SLC14A2: variants seen among roughly 807,000 people sequenced by gnomAD.
The protein encoded by SLC14A2 is solute carrier family 14 member 2, also known as urea transporter 2.
SLC14A2 carries 91 observed loss-of-function variants against 104.6 expected under a neutral mutation model. The observed-to-expected ratio is 0.87, with a 90% CI of 0.73 to 1.04. SLC14A2 has a LOEUF of 1.04. Among genes scored for constraint, SLC14A2 ranks in the 50% least tolerant of loss-of-function variants. The pLI, the probability that SLC14A2 is intolerant of heterozygous loss-of-function variation, is 0.00. For synonymous variants in SLC14A2, 476 were observed against 466.4 expected, an observed-to-expected ratio of 1.02 and a Z score of -0.27; for missense variants, 1,189 against 1,156.0, an observed-to-expected ratio of 1.03 and a Z score of -0.41.
At chr18:45,392,550 G>A (rs1396644013) in intron 1 of SLC14A2, among the ~76,000 whole-genome samples, 1 of 152,148 alleles carries the variant, frequency 6.6e-6, no homozygotes, top group Non-Finnish European at 1.5e-5. Flanking sequence ...TGCTTTAGAT[G>A]TTATATACCA....
chr18:45,320,844 C>G (rs1468603392), intron 1 of SLC14A2, among the ~76,000 whole-genome samples: 1 of 152,214 alleles, frequency 6.6e-6, no homozygotes, highest in Admixed American at 6.5e-5. Flanking sequence ...ACACCCACTC[C>G]TTTTCCAGAA....
At chr18:45,274,571 T>TTC (rs1400345365) in intron 1 of SLC14A2, among the ~76,000 whole-genome samples, 1 of 152,244 alleles carries the variant, frequency 6.6e-6, no homozygotes, top group Non-Finnish European at 1.5e-5. Context: ...GTTCTTTGAG[T>TTC]TACTCACAGG....
At chr18:45,508,529 C>G (rs548610932) in intron 2 of SLC14A2, among the ~76,000 whole-genome samples, 2 of 152,226 alleles carry the variant, frequency 1.3e-5, no homozygotes. Flanking sequence ...GGAACTGTAA[C>G]TCCATTAAAC....
intron 1 of SLC14A2, among the ~76,000 whole-genome samples, chr18:45,244,340 G>C (rs1002772281): frequency 6.6e-6 from 1 of 152,054 alleles, no homozygotes; most frequent in African/African-American, 2.4e-5. Flanking sequence ...GGGGGAGGGG[G>C]GTGGTGCTGG....
chr18:45,539,085 TA>T (rs2043844726), intron 2 of SLC14A2, among the ~76,000 whole-genome samples: 1 of 151,222 alleles, frequency 6.6e-6, no homozygotes, highest in Non-Finnish European at 1.5e-5. Context: ...AGTAAAAAAA[TA>T]ACCACACCCA....
chr18:45,285,888 G>A (rs951950836), intron 1 of SLC14A2, among the ~76,000 whole-genome samples: 10 of 152,188 alleles, frequency 6.6e-5, no homozygotes, highest in African/African-American at 2.4e-4. Flanking sequence ...CTCAGCCATG[G>A]CTTCCCATTA....
intron 1 of SLC14A2, among the ~76,000 whole-genome samples, chr18:45,252,139 G>A (rs566474915): frequency 2.0e-5 from 3 of 152,302 alleles, no homozygotes; most frequent in Non-Finnish European, 4.4e-5. Flanking sequence ...TGAGTTTCAT[G>A]TTGAGCTCTG....
intron 2 of SLC14A2, among the ~76,000 whole-genome samples, chr18:45,487,140 G>A (rs2144716287): frequency 6.6e-6 from 1 of 152,310 alleles, no homozygotes; most frequent in East Asian, 1.9e-4. Flanking sequence ...CAGCAGTGCT[G>A]GGCTCCTTTC....
At position 45,624,829 on chromosome 18, in the gene SLC14A2, T is replaced by C. The variant is rs1409907309; in HGVS notation, c.150+15T>C. 1.3e-6 allele frequency: 2 copies of C among 1,587,720 alleles called. No homozygotes were observed. On this transcript the variant is annotated intron_variant, in intron 2 of 19. Transcript: ENST00000255226. ...CTGAAGAAAAGGTGAGAAGTGTCCC[T>C]CCTAGGATGTTTCCTGGGAGGGAGG...
At chr18:45,483,270 G>C (rs2087531820) in exon 2 of SLC14A2, 2 of 152,128 alleles carry the variant, frequency 1.3e-5, no homozygotes, top group Admixed American at 1.3e-4. Context: ...CAACTAAGTA[G>C]AGATTCATAA....
At chr18:45,377,230 T>C (rs532443926) in intron 1 of SLC14A2, among the ~76,000 whole-genome samples, 2 of 152,242 alleles carry the variant, frequency 1.3e-5, no homozygotes, top group African/African-American at 4.8e-5. Context: ...TTCTGGTTTC[T>C]GTGGTCTGCT....
chr18:45,368,484 T>C (rs1289506180), intron 1 of SLC14A2, among the ~76,000 whole-genome samples: 1 of 152,150 alleles, frequency 6.6e-6, no homozygotes, highest in Admixed American at 6.5e-5. Context: ...AGACAATCGC[T>C]TCCATGGCAA....
intron 10 of SLC14A2, among the ~76,000 whole-genome samples, chr18:45,659,130 G>A (rs2045891870): frequency 6.6e-6 from 1 of 152,188 alleles, no homozygotes; most frequent in South Asian, 2.1e-4. Flanking sequence ...AGCTGCTGAG[G>A]CTCACCCACA....
At chr18:45,223,753 G>GGTCCA (rs1383811993) in intron 1 of SLC14A2, among the ~76,000 whole-genome samples, 2 of 152,220 alleles carry the variant, frequency 1.3e-5, no homozygotes, top group Non-Finnish European at 2.9e-5. Flanking sequence ...TCCAGAGGCA[G>GGTCCA]GAGATCAATT....
intron 2 of SLC14A2, among the ~76,000 whole-genome samples, chr18:45,581,265 G>A (rs975158233): frequency 3.3e-5 from 5 of 152,202 alleles, no homozygotes; most frequent in African/African-American, 1.2e-4. Flanking sequence ...GGCCACCCGT[G>A]TGCCTTGCAC....
At chr18:45,285,669 C>CT (rs1641166828) in intron 1 of SLC14A2, among the ~76,000 whole-genome samples, 1 of 139,540 alleles carries the variant, frequency 7.2e-6, no homozygotes, top group Non-Finnish European at 1.6e-5. Flanking sequence ...CTGCCCCCCC[C>CT]CCCCCTCGGC....
chr18:45,446,980 A>T (rs562258370), intron 1 of SLC14A2, among the ~76,000 whole-genome samples: 2 of 152,220 alleles, frequency 1.3e-5, no homozygotes, highest in South Asian at 4.2e-4. Flanking sequence ...AAAGAAGCAG[A>T]GGAAGAGAGA....
intron 2 of SLC14A2, among the ~76,000 whole-genome samples, chr18:45,488,108 A>T (rs113136999): frequency 2.2e-3 from 334 of 152,322 alleles, no homozygotes; most frequent in African/African-American, 7.7e-3. Flanking sequence ...GAAGGAAAAT[A>T]GTCATGTGTT....
At chr18:45,509,129 C>G (rs2043328427) in intron 2 of SLC14A2, among the ~76,000 whole-genome samples, 1 of 152,136 alleles carries the variant, frequency 6.6e-6, no homozygotes, top group Admixed American at 6.5e-5. Flanking sequence ...AAAATGAAGA[C>G]TCTATGTGTC....
Sources: gnomAD v4.1 joint callset for allele counts (sites outside exome capture counted in the v4.1 genomes callset) on GRCh38, gnomAD v4.1.1 for gene constraint, MANE v1.5 for transcripts, NCBI Gene and HGNC (gene_info 2026-07-23, HGNC 2026-07-21) for gene names.